NECAB2: variants seen among roughly 807,000 people sequenced by gnomAD.
The protein encoded by NECAB2 is N-terminal EF-hand calcium-binding protein 2.
A neutral mutation model predicts 51.9 loss-of-function variants in NECAB2; 68 were observed. The ratio of observed to expected loss-of-function variants is 1.31; its 90% CI spans 1.08 to 1.60. The LOEUF is 1.60. Among genes scored for constraint, NECAB2 ranks in the 40% most tolerant of loss-of-function variants. NECAB2 has a pLI of 0.00. For synonymous variants in NECAB2, 329 were observed against 203.5 expected, an observed-to-expected ratio of 1.62 and a Z score of -5.25; for missense variants, 854 against 490.3, an observed-to-expected ratio of 1.74 and a Z score of -7.00.
intron 10 of NECAB2, among the ~76,000 whole-genome samples, chr16:83,999,042 C>G (rs1289072431): frequency 6.6e-6 from 1 of 152,148 alleles, no homozygotes; most frequent in African/African-American, 2.4e-5. Flanking sequence ...ATCCCCAGAG[C>G]ACACACTCAT....
At chr16:83,993,948 C>G (rs1170850016) in intron 6 of NECAB2, among the ~76,000 whole-genome samples, 2 of 152,114 alleles carry the variant, frequency 1.3e-5, no homozygotes, top group Non-Finnish European at 2.9e-5. Flanking sequence ...CTTGGTCACT[C>G]CACAGCTTGG....
In NECAB2 at chr16:83,968,450, G is replaced by A. The variant is rs1332445483; in HGVS notation, c.-199G>A. Among the ~76,000 whole-genome samples the A allele has an allele frequency of 6.8e-6, 1 of 146,376 alleles. No homozygotes were observed. Among genetic ancestry groups the A allele is most frequent in the African/African-American group, 2.5e-5 (1 of 40,650 alleles). On this transcript the variant is annotated 5_prime_UTR_variant, in exon 1 of 13. Transcript: ENST00000305202. ...CGCCCGGCCGGCGGGGGTGGGGGCG[G>A]CGGGGAGCGGGCACGTGGCTCGGGG...
intron 11 of NECAB2, among the ~76,000 whole-genome samples, chr16:84,001,492 A>T (rs2084834330): frequency 6.6e-6 from 1 of 152,118 alleles, no homozygotes; most frequent in Non-Finnish European, 1.5e-5. Flanking sequence ...AGGGACTAAA[A>T]GCCTTCGCAG....
In NECAB2 at chr16:83,968,823, C is replaced by A. The variant is rs1687450665; in HGVS notation, c.175C>A (p.Arg59Ser). The change falls in exon 1 of 13, where the codon CGC becomes AGC. Residue 59 changes from arginine to serine, a missense_variant. Arg to Ser is a moderately radical substitution (Grantham distance 110, BLOSUM62 -1). Transcript: ENST00000305202. ...APADPGPASP[R>S]GGTAVILDIF... ...CGCGGACCCCGGCCCAGCCTCGCCGCGCGGGGGCACCGCCGTCATCCTGGA... is the reference window on the plus strand; with the variant it reads ...CGCGGACCCCGGCCCAGCCTCGCCGAGCGGGGGCACCGCCGTCATCCTGGA... 2 of 1,127,336 alleles carry A rather than the reference C, an allele frequency of 1.8e-6. No individual in the cohort carries two copies. The highest frequency in any genetic ancestry group is 8.5e-5 in the South Asian group (2 of 23,514). 69.8% of individuals were successfully genotyped at this position (1,127,336 alleles called of 1,614,324 possible).
upstream of NECAB2, chr16:83,965,295 A>G (rs371530657): frequency 3.6e-5 from 57 of 1,600,162 alleles, no homozygotes; most frequent in Non-Finnish European, 4.8e-5. Context: ...TGGGCCCGCA[A>G]CGTGGTCCTC....
chr16:83,996,497 C>T (rs559888397), intron 8 of NECAB2, among the ~76,000 whole-genome samples: 18 of 152,232 alleles, frequency 1.2e-4, no homozygotes, highest in East Asian at 7.7e-4. Flanking sequence ...GTGTGACTCC[C>T]GTAGATGGTC....
At chr16:83,997,803 T>C (rs1433433312) in intron 9 of NECAB2, among the ~76,000 whole-genome samples, 1 of 152,196 alleles carries the variant, frequency 6.6e-6, no homozygotes, top group Non-Finnish European at 1.5e-5. Flanking sequence ...CAGAGGCTCC[T>C]GGACTTTGAT....
At chr16:83,990,719 C>T (rs1253403602) in intron 6 of NECAB2, 89 bp downstream of exon 6, 10 of 1,530,780 alleles carry the variant, frequency 6.5e-6, no homozygotes, top group Non-Finnish European at 6.2e-6. Context: ...TGTCTGTGTA[C>T]CTAAGAGCTG....
chr16:83,975,376 G>A (rs2084397535), intron 2 of NECAB2, among the ~76,000 whole-genome samples: 2 of 152,036 alleles, frequency 1.3e-5, no homozygotes, highest in East Asian at 1.9e-4. Flanking sequence ...GTGTGCAGGG[G>A]GTGCAGATGT....
intron 1 of NECAB2, chr16:83,971,312 C>T (rs2084344585): frequency 6.6e-6 from 1 of 152,236 alleles, no homozygotes; most frequent in East Asian, 1.9e-4. Flanking sequence ...GTGGGCCTCA[C>T]AGCAGCTGAT....
At chr16:83,975,371 C>T (rs2151086233) in intron 2 of NECAB2, among the ~76,000 whole-genome samples, 1 of 152,106 alleles carries the variant, frequency 6.6e-6, no homozygotes, top group Middle Eastern at 3.4e-3. Flanking sequence ...AACAGGTGTG[C>T]AGGGGGTGCA....
At chr16:83,986,483 T>C (rs2151092563) in intron 5 of NECAB2, among the ~76,000 whole-genome samples, 1 of 152,302 alleles carries the variant, frequency 6.6e-6, no homozygotes, top group South Asian at 2.1e-4. Flanking sequence ...CCAATTGCCC[T>C]GTGGAGAGTG....
chr16:84,001,805 C>T lies in NECAB2; in HGVS notation c.1041-20C>T. 2 of 1,613,522 alleles carry T rather than the reference C, an allele frequency of 1.2e-6. No individual in the cohort carries two copies. Among genetic ancestry groups the T allele is most frequent in the East Asian group, 2.2e-5 (1 of 44,866 alleles). ...CTCCACTCCTGCCACCCCTGACTCA[C>T]ACATGTCCCTGCGTCACAGGCACCT... On this transcript the variant is annotated intron_variant, in intron 11 of 12. Coordinates refer to ENST00000305202, the MANE Select transcript of NECAB2 (RefSeq NM_019065.3).
At chr16:83,994,462 G>A (rs571476902) in intron 7 of NECAB2, 42 bp downstream of exon 7, 1 of 1,604,854 alleles carries the variant, frequency 6.2e-7, no homozygotes, top group Non-Finnish European at 8.5e-7. Context: ...CCAGCTGGGG[G>A]TCCCGAGGAG....
intron 5 of NECAB2, among the ~76,000 whole-genome samples, chr16:83,988,439 T>A (rs2084581521): frequency 6.6e-6 from 1 of 152,210 alleles, no homozygotes; most frequent in Admixed American, 6.5e-5. Context: ...CCTTTGGGAA[T>A]AAAAATAATT....
intron 5 of NECAB2, among the ~76,000 whole-genome samples, chr16:83,985,689 G>T (rs1376293513): frequency 3.3e-5 from 5 of 151,530 alleles, no homozygotes; most frequent in Admixed American, 3.3e-4. Context: ...AGATGTTAAT[G>T]TGTAGTATTT....
intron 11 of NECAB2, among the ~76,000 whole-genome samples, chr16:84,001,545 C>T (rs903984120): frequency 6.6e-6 from 1 of 152,092 alleles, no homozygotes; most frequent in Non-Finnish European, 1.5e-5. Context: ...TGGCCCCACT[C>T]CTCCTGCTAG....
chr16:83,967,907 C>T (rs1281284019), upstream of NECAB2, among the ~76,000 whole-genome samples: 1 of 134,036 alleles, frequency 7.5e-6, no homozygotes, highest in African/African-American at 2.9e-5. Flanking sequence ...GACGGACAGT[C>T]GGCCGGCCGG....
At chr16:83,977,431 C>A (rs375022339) in intron 2 of NECAB2, among the ~76,000 whole-genome samples, 1 of 152,144 alleles carries the variant, frequency 6.6e-6, no homozygotes, top group African/African-American at 2.4e-5. Flanking sequence ...TGTTCTTAAG[C>A]CACCTCCCCT....
Sources: allele counts gnomAD v4.1 joint callset (sites outside exome capture counted in the v4.1 genomes callset), GRCh38; gene constraint gnomAD v4.1.1; transcripts MANE v1.5; gene names NCBI Gene and HGNC (gene_info 2026-07-23, HGNC 2026-07-21).